Variants in PAXIP1 observed in about 807,000 individuals in gnomAD.
PAXIP1 encodes the protein PAX-interacting protein 1.
PAXIP1 carries 19 observed loss-of-function variants against 140.6 expected under a neutral mutation model. The observed-to-expected ratio is 0.14, with a 90% confidence interval of 0.09 to 0.20. The LOEUF is 0.20. Among genes scored for constraint, PAXIP1 ranks in the 10% least tolerant of loss-of-function variants. The pLI, the probability that PAXIP1 is intolerant of heterozygous loss-of-function variation, is 1.00. For synonymous variants in PAXIP1, 442 were observed against 444.6 expected (o/e 0.99, Z 0.07); for missense variants, 920 against 1,208.6 (o/e 0.76, Z 3.54).
intron 6 of PAXIP1, among the ~76,000 whole-genome samples, chr7:154,970,805 G>C (rs1403550269): frequency 1.3e-5 from 2 of 152,208 alleles, no homozygotes; most frequent in Admixed American, 6.5e-5. Context: ...GGGGTGGGAG[G>C]GGGGCTGAGA....
chr7:155,000,394 G>A (rs1418166373), intron 1 of PAXIP1: 2 of 152,182 alleles, frequency 1.3e-5, no homozygotes, highest in Non-Finnish European at 2.9e-5. Flanking sequence ...CCTCCAGTCT[G>A]TTTCTGATCC....
intron 5 of PAXIP1, among the ~76,000 whole-genome samples, chr7:154,982,813 A>C (rs539629440): frequency 6.6e-6 from 1 of 152,354 alleles, no homozygotes; most frequent in Admixed American, 6.5e-5. Flanking sequence ...ATTATGAAGA[A>C]GAAAATATAT....
At chr7:154,990,150 T>A (rs1810262146) in intron 4 of PAXIP1, among the ~76,000 whole-genome samples, 1 of 150,704 alleles carries the variant, frequency 6.6e-6, no homozygotes, top group African/African-American at 2.4e-5. Context: ...CAAGTGATTC[T>A]CCTGCCTCAG....
At chr7:154,948,024 T>C (rs1287449959) in intron 16 of PAXIP1, 21 bp from the exon 17 acceptor site, 1 of 1,544,554 alleles carries the variant, frequency 6.5e-7, no homozygotes, top group East Asian at 2.2e-5. Context: ...GAACAGCACA[T>C]ACTCTGAAAA....
rs760228731 is a variant in PAXIP1 at position 154,946,610 on chromosome 7, C to T, written c.3058-23G>A. 1 of 1,613,088 alleles carries T rather than the reference C, an allele frequency of 6.2e-7. No individual in the cohort carries two copies. Among genetic ancestry groups the T allele is most frequent in the South Asian group, 1.1e-5 (1 of 91,046 alleles). On this transcript the variant is annotated intron_variant, in intron 18 of 20. Coordinates refer to ENST00000404141, the MANE Select transcript of PAXIP1 (RefSeq NM_007349.4). The surrounding 1 kb of genome is among the most constrained non-coding windows in gnomAD (Gnocchi z 4.9). ...ACTCTAAGGAAAAGAAAATGAGTTT[C>T]TCAGTGACCGAACGCTGAATGTGAT...
intron 16 of PAXIP1, among the ~76,000 whole-genome samples, chr7:154,953,173 G>C (rs1314302622): frequency 6.6e-6 from 1 of 152,214 alleles, no homozygotes; most frequent in Non-Finnish European, 1.5e-5. Flanking sequence ...GGACCTAGTA[G>C]CGCCCCCTGC....
In PAXIP1 at chr7:154,962,373, G is replaced by A; in HGVS notation, c.2075C>T (p.Ala692Val). 6.2e-7 allele frequency: 1 copy of A among 1,608,310 alleles called. No individual in the cohort carries two copies. The highest frequency in any genetic ancestry group is 8.5e-7 in the Non-Finnish European group (1 of 1,177,224). ...TGGGAAGGCCACTGGGAAGTGAAGG[G>A]CTCGGTGCGGCGGTACCATTTTCTT... is the stretch of plus-strand genomic sequence containing the variant. ...KKKKMVPPHRALHFPVAFPPG... is the reference protein window; with the variant it reads ...KKKKMVPPHRVLHFPVAFPPG... Residue 692 changes from alanine to valine, a missense_variant, in exon 10 of 21, where the codon GCC becomes GTC. Ala to Val is a moderately conservative substitution (Grantham distance 64, BLOSUM62 0). This residue lies in a region of PAXIP1 where 303 missense variants were observed against 517.9 expected (regional missense o/e 0.59). Transcript: ENST00000404141.
chr7:154,945,620 G>A, intron 20 of PAXIP1: 1 of 530,896 alleles, frequency 1.9e-6, no homozygotes, highest in South Asian at 8.8e-5. Context: ...TCACAGAGAG[G>A]AGGAGCTCCA....
In PAXIP1 at chr7:154,980,420, T is replaced by C. The variant is rs1204258711; in HGVS notation, c.438+2799A>G. Among the ~76,000 whole-genome samples the C allele has an allele frequency of 3.3e-5, 5 of 152,122 alleles. No homozygotes were observed. In the East Asian group the frequency reaches 9.6e-4, roughly 29 times the overall value. ...TATATATGTTATACATATACAAATA[T>C]CTTTTATTTTTTGAAGCAGGGTCTC... On this transcript the variant is annotated intron_variant, in intron 5 of 20. Transcript: ENST00000404141.
chr7:154,944,898 C>T (rs182502486), intron 20 of PAXIP1: 75 of 152,032 alleles, frequency 4.9e-4, no homozygotes, highest in Admixed American at 4.1e-3. Flanking sequence ...AGCGTTTCTG[C>T]ACCAAGCCTC....
chr7:154,957,282 G>T lies in PAXIP1; in HGVS notation c.2491C>A (p.Pro831Thr), dbSNP rs764823046. Residue 831 changes from proline (P) to threonine (T), a missense_variant, in exon 14 of 21, where the codon CCT (proline) becomes ACT (threonine). By Grantham distance (38) the Pro-to-Thr change is conservative. Around this residue, in one of 5 missense-constraint regions of PAXIP1, gnomAD observed 303 missense variants for 517.9 expected, o/e 0.59. Transcript: ENST00000404141. ...ACTTCATTCTGTTTCAGTTTGGGAG[G>T]TAGTCTTATACTCTGCAATTAAAAT... ...SAELLMSIRL[P>T]PKLKQNEVAN... 1.1e-5 allele frequency: 17 copies of T among 1,599,600 alleles called. No homozygotes were observed. Among genetic ancestry groups the T allele is most frequent in the Non-Finnish European group, 1.5e-5 (17 of 1,169,128 alleles).
intron 16 of PAXIP1, chr7:154,949,155 CAAGGAA>C (rs1470617328): frequency 6.6e-6 from 1 of 152,054 alleles, no homozygotes; most frequent in African/African-American, 2.4e-5. Context: ...AAGCAGAAAA[CAAGGAA>C]AAGTGATTTG....
chr7:155,002,973 C>A lies in PAXIP1; in HGVS notation c.-44G>T. On this transcript the variant is annotated 5_prime_UTR_variant, in exon 1 of 21. Transcript: ENST00000404141. ...GGCTCCGCGGCGGCGCCCGGCCCCGCCCACCCCCCGCCCCCGGCCCCCGCG... is the reference window on the plus strand; with the variant it reads ...GGCTCCGCGGCGGCGCCCGGCCCCGACCACCCCCCGCCCCCGGCCCCCGCG... 5 of 886,554 alleles carry A rather than the reference C, an allele frequency of 5.6e-6. No homozygotes were observed. The highest frequency in any genetic ancestry group is 6.9e-6 in the Non-Finnish European group (5 of 725,610). The allele number at this position is 886,554 out of a possible 1,614,324, so 54.9% of individuals were successfully genotyped here.
intron 4 of PAXIP1, among the ~76,000 whole-genome samples, chr7:154,985,670 C>A (rs1810035697): frequency 6.6e-6 from 1 of 152,208 alleles, no homozygotes; most frequent in Admixed American, 6.5e-5. Context: ...GTCTGTGCCC[C>A]CAGGAATAAA....
Position 154,987,398 on chromosome 7 carries a change from G to A in PAXIP1, c.324+3608C>T, listed in dbSNP as rs1258519035. ...AAATGATTAAGTGTGACTTTACCTT[G>A]GTTTCTAAAAATAACGTCCTCCTCC... On this transcript the variant is annotated intron_variant, in intron 4 of 20. Transcript: ENST00000404141. 2.0e-5 allele frequency among the ~76,000 whole-genome samples: 3 copies of A among 152,056 alleles called. No individual in the cohort carries two copies. In the East Asian group the frequency reaches 5.8e-4, roughly 29 times the overall value.
intron 8 of PAXIP1, chr7:154,967,438 T>G (rs1006825229): frequency 1.0e-4 from 17 of 167,040 alleles, no homozygotes; most frequent in Non-Finnish European, 1.9e-4. Flanking sequence ...GTTCTAGAGA[T>G]TCCAGGATTT....
At position 154,943,937 on chromosome 7, in the gene PAXIP1, T is replaced by A; in HGVS notation, c.*212A>T. On this transcript the variant is annotated 3_prime_UTR_variant, in exon 21 of 21. Coordinates refer to ENST00000404141, the MANE Select transcript of PAXIP1 (RefSeq NM_007349.4). ...AATGTGGGCTCTTAAAGTCATATAA[T>A]ACAAAACATAATTTATGTTTCCTCA... is the stretch of plus-strand genomic sequence containing the variant. The A allele has an allele frequency of 1.7e-6, 1 of 595,300 alleles. No homozygotes were observed. Among genetic ancestry groups the A allele is most frequent in the South Asian group, 1.9e-5 (1 of 52,224 alleles). The allele number at this position is 595,300 out of a possible 1,614,324, so 36.9% of individuals were successfully genotyped here. A position where few individuals can be genotyped will look rare whatever the true frequency, so the allele number is the denominator to read the frequency against.
Position 154,993,603 on chromosome 7 carries a change from G to A in PAXIP1, c.260+123C>T, listed in dbSNP as rs1585084901. On this transcript the variant is annotated intron_variant, in intron 3 of 20. Transcript: ENST00000404141. ...AGGATGGAAAATAGTAGGAATATAAGATGTAGACAAAACAATCTGTCCTAA... is the reference window on the plus strand; with the variant it reads ...AGGATGGAAAATAGTAGGAATATAAAATGTAGACAAAACAATCTGTCCTAA... 3.1e-5 allele frequency: 23 copies of A among 738,554 alleles called. No homozygotes were observed. In the South Asian group the frequency reaches 3.8e-4, roughly 12 times the overall value. 45.8% of individuals were successfully genotyped at this position (738,554 alleles called of 1,614,324 possible).
At chr7:154,998,559 A>G in intron 2 of PAXIP1, 91 bp downstream of exon 2, 2 of 784,214 alleles carry the variant, frequency 2.6e-6, no homozygotes, top group Non-Finnish European at 3.8e-6. Flanking sequence ...GACTTTAGCA[A>G]AAACCCTGAA....
Sources: gnomAD v4.1 joint callset for allele counts (sites outside exome capture counted in the v4.1 genomes callset) on GRCh38, gnomAD v4.1.1 for gene constraint, gnomAD v4.1.1 regional missense constraint, Gnocchi (gnomAD v3.1) non-coding constraint, MANE v1.5 for transcripts, NCBI Gene and HGNC (gene_info 2026-07-23, HGNC 2026-07-21) for gene names.